CTDSP2: variants seen among roughly 807,000 people sequenced by gnomAD.
The protein encoded by CTDSP2 is CTD small phosphatase 2.
CTDSP2 carries 9 observed loss-of-function variants against 31.6 expected under a neutral mutation model. The ratio of observed to expected loss-of-function variants is 0.28; its 90% CI spans 0.17 to 0.50. CTDSP2 has a LOEUF of 0.50. CTDSP2 is among the 20% of genes least tolerant of loss of function. The pLI is 0.98. For synonymous variants in CTDSP2, 134 were observed against 134.5 expected, an observed-to-expected ratio of 1.00 and a Z score of 0.03; for missense variants, 267 against 348.5, an observed-to-expected ratio of 0.77 and a Z score of 1.86.
chr12:57,832,754 T>C (rs1190197884), intron 1 of CTDSP2, among the ~76,000 whole-genome samples: 2 of 118,058 alleles, frequency 1.7e-5, no homozygotes, highest in Admixed American at 1.3e-4. Context: ...ATCGGGCCAC[T>C]GCACTCTAGC....
chr12:57,824,161 G>A, intron 6 of CTDSP2, 66 bp downstream of exon 6: 1 of 1,609,776 alleles, frequency 6.2e-7, no homozygotes, highest in Non-Finnish European at 8.5e-7. Context: ...GACCAAAAGG[G>A]AGCTGCTGGA....
Position 57,820,181 on chromosome 12 carries a change from A to T in CTDSP2, c.*3421T>A, listed in dbSNP as rs1419200271. 6.6e-6 allele frequency: 1 copy of T among 152,492 alleles called. No individual in the cohort carries two copies. Among genetic ancestry groups the T allele is most frequent in the Non-Finnish European group, 1.5e-5 (1 of 68,020 alleles). 9.4% of individuals were successfully genotyped at this position (152,492 alleles called of 1,614,324 possible). A position where few individuals can be genotyped will look rare whatever the true frequency, so the allele number is the denominator to read the frequency against. On this transcript the variant is annotated 3_prime_UTR_variant, in exon 8 of 8. Coordinates refer to ENST00000398073, the MANE Select transcript of CTDSP2 (RefSeq NM_005730.4). ...CGAAATGGAACATGATAAGCAAAAA[A>T]GCTCACGAGGCCCAAAGAGGAGGGT...
intron 1 of CTDSP2, among the ~76,000 whole-genome samples, chr12:57,830,443 CAAA>C (rs1201445945): frequency 1.3e-5 from 2 of 151,948 alleles, no homozygotes. Context: ...ACAACAACAA[CAAA>C]AAACCACTTC....
intron 1 of CTDSP2, among the ~76,000 whole-genome samples, chr12:57,838,723 C>T (rs1454890811): frequency 1.3e-5 from 2 of 152,186 alleles, no homozygotes; most frequent in African/African-American, 2.4e-5. Flanking sequence ...GACTTGAGTT[C>T]GAATCTAGGC....
At chr12:57,839,522 T>G (rs1376572950) in intron 1 of CTDSP2, among the ~76,000 whole-genome samples, 5 of 152,080 alleles carry the variant, frequency 3.3e-5, no homozygotes, top group African/African-American at 9.7e-5. Flanking sequence ...ATCAAGACCA[T>G]CCTGGCTAAC....
In CTDSP2 at chr12:57,826,308, C is replaced by T. The variant is rs535551825; in HGVS notation, c.411+38G>A. 3 of 1,604,906 alleles carry T rather than the reference C, an allele frequency of 1.9e-6. No homozygotes were observed. The East Asian group carries it at 6.7e-5, about 36-fold the overall frequency. On this transcript the variant is annotated intron_variant, in intron 5 of 7. Coordinates refer to ENST00000398073, the MANE Select transcript of CTDSP2 (RefSeq NM_005730.4). ...CAGGTGAGGCAGAAGGCAGACCCCC[C>T]ACCCTCTGGGCTGGGTGTGGTCTGG...
At position 57,821,527 on chromosome 12, in the gene CTDSP2, C is replaced by T. The variant is rs1268143781; in HGVS notation, c.*2075G>A. ...ATTTAGTCAGAAAAGCCTGGCTGGG[C>T]CTAGACGGCAAAAGATTTGGCCAAG... On this transcript the variant is annotated 3_prime_UTR_variant, in exon 8 of 8. Transcript: ENST00000398073. 1.3e-5 allele frequency: 2 copies of T among 152,654 alleles called. No homozygotes were observed. Among genetic ancestry groups the T allele is most frequent in the Non-Finnish European group, 2.9e-5 (2 of 68,058 alleles). The allele number at this position is 152,654 out of a possible 1,614,324, so 9.5% of individuals were successfully genotyped here.
intron 1 of CTDSP2, among the ~76,000 whole-genome samples, chr12:57,831,314 C>T (rs983941606): frequency 2.0e-5 from 3 of 151,690 alleles, no homozygotes. Context: ...AACAGCCGTG[C>T]GTGTGGCACG....
At chr12:57,830,421 CCAACAACAACAA>C (rs376992203) in intron 1 of CTDSP2, among the ~76,000 whole-genome samples, 1 of 151,640 alleles carries the variant, frequency 6.6e-6, no homozygotes, top group African/African-American at 2.4e-5. Flanking sequence ...ACAAACAAAA[CCAACAACAACAA>C]CAACAACAAC....
Position 57,822,829 on chromosome 12 carries a change from G to A in CTDSP2, c.*773C>T, listed in dbSNP as rs1336879955. 1 of 152,582 alleles carries A rather than the reference G, an allele frequency of 6.6e-6. No homozygotes were observed. The highest frequency in any genetic ancestry group is 1.5e-5 in the Non-Finnish European group (1 of 68,076). 9.5% of individuals were successfully genotyped at this position (152,582 alleles called of 1,614,324 possible). Reference sequence around the variant, plus strand: ...TTTAGAAAGAGAATTTTAAAACACAGTCAAAAGAACGGAAATCAGTTATCT... The same window carrying A: ...TTTAGAAAGAGAATTTTAAAACACAATCAAAAGAACGGAAATCAGTTATCT... On this transcript the variant is annotated 3_prime_UTR_variant, in exon 8 of 8. Transcript: ENST00000398073.
At position 57,823,585 on chromosome 12, in the gene CTDSP2, CTT is replaced by C; in HGVS notation, c.*15_*16del. 1.2e-6 allele frequency: 2 copies of C among 1,613,298 alleles called. No individual in the cohort carries two copies. On this transcript the variant is annotated 3_prime_UTR_variant, in exon 8 of 8. Coordinates refer to ENST00000398073, the MANE Select transcript of CTDSP2 (RefSeq NM_005730.4). ...AAGTCCCCTACTGGGATGGCCGTCG[CTT>C]GGAAGCAGGGCAGGCTAAGGGGCCC...
chr12:57,827,336 G>C, intron 3 of CTDSP2: 1 of 636,450 alleles, frequency 1.6e-6, no homozygotes, highest in South Asian at 1.9e-5. Context: ...GGGATGGACA[G>C]CAGCTGTGGG....
At chr12:57,835,123 CAA>C (rs1370274148) in intron 1 of CTDSP2, among the ~76,000 whole-genome samples, 19 of 95,876 alleles carry the variant, frequency 2.0e-4, no homozygotes, top group Non-Finnish European at 2.4e-4. Flanking sequence ...AATTCCATCT[CAA>C]AAAAAAAAAA....
At chr12:57,824,473 C>A (rs1397288688) in intron 5 of CTDSP2, 154 bp from the exon 6 acceptor site, 2 of 679,792 alleles carry the variant, frequency 2.9e-6, no homozygotes, top group African/African-American at 1.8e-5. Flanking sequence ...CCCCCTGAGA[C>A]CCCACAGACC....
chr12:57,824,327 A>G lies in CTDSP2; in HGVS notation c.412-8T>C, dbSNP rs1956169046. Reference sequence around the variant, plus strand: ...CCTCTTGAGCACATACACCTGAGGAAGAGCAGAGCAGCCTGTTGGAGGCAT... The same window carrying G: ...CCTCTTGAGCACATACACCTGAGGAGGAGCAGAGCAGCCTGTTGGAGGCAT... On this transcript the variant is annotated splice_region_variant and splice_polypyrimidine_tract_variant and intron_variant, in intron 5 of 7. Coordinates refer to ENST00000398073, the MANE Select transcript of CTDSP2 (RefSeq NM_005730.4). The G allele has an allele frequency of 1.2e-6, 2 of 1,607,026 alleles. No homozygotes were observed. Among genetic ancestry groups the G allele is most frequent in the African/African-American group, 1.3e-5 (1 of 74,886 alleles).
In CTDSP2 at chr12:57,823,897, C is replaced by T. The variant is rs1209171289; in HGVS notation, c.690+7G>A. ...CCCTACCGTGGAGACGCATCAGGAGCACTCACTGCATTCTCGGGGTGGAAT... is the reference window on the plus strand; with the variant it reads ...CCCTACCGTGGAGACGCATCAGGAGTACTCACTGCATTCTCGGGGTGGAAT... On this transcript the variant is annotated splice_region_variant and intron_variant, in intron 7 of 7. Transcript: ENST00000398073. 1 of 1,613,866 alleles carries T rather than the reference C, an allele frequency of 6.2e-7. No homozygotes were observed.
rs1376235665 is a variant in CTDSP2 at position 57,829,515 on chromosome 12, T to C, written c.146A>G (p.His49Arg). The change falls in exon 2 of 8, where the codon CAT (histidine) becomes CGT (arginine). Residue 49 changes from histidine to arginine, a missense_variant. Physicochemically the swap from His to Arg is conservative, Grantham distance 29. Transcript: ENST00000398073. ...KALFCCFRAQ[H>R]VGQSSSSTEL... is the part of the protein sequence containing the mutation. The stretch of plus-strand genomic sequence containing the variant: ...AGTGGAGGAACTTGACTGGCCAACA[T>C]GCTGGGCGCGAAAACAGCAGAAAAG... 4.3e-6 allele frequency: 7 copies of C among 1,614,040 alleles called. No individual in the cohort carries two copies. The highest frequency in any genetic ancestry group is 5.1e-6 in the Non-Finnish European group (6 of 1,180,040).
intron 1 of CTDSP2, 117 bp downstream of exon 1, chr12:57,846,255 G>T: frequency 8.5e-6 from 8 of 937,712 alleles, no homozygotes; most frequent in Non-Finnish European, 1.3e-5. Context: ...GAGGGGTCCA[G>T]TCGGGATCGC....
chr12:57,834,375 C>T (rs1438857884), intron 1 of CTDSP2, among the ~76,000 whole-genome samples: 1 of 152,114 alleles, frequency 6.6e-6, no homozygotes, highest in Non-Finnish European at 1.5e-5. Flanking sequence ...GGGGTCTAGC[C>T]CCTACCCCTT....
Sources: allele counts gnomAD v4.1 joint callset (sites outside exome capture counted in the v4.1 genomes callset), GRCh38; gene constraint gnomAD v4.1.1; transcripts MANE v1.5; gene names NCBI Gene and HGNC (gene_info 2026-07-23, HGNC 2026-07-21).